The following NCK2 variants were observed in gnomAD, a reference collection of about 807,000 sequenced individuals.
NCK2 encodes cytoplasmic protein NCK2.
Under a neutral mutation model 33.9 loss-of-function variants are expected in NCK2, and 16 were observed. The observed-to-expected ratio is 0.47, with a 90% CI of 0.32 to 0.72. The LOEUF is 0.72. NCK2 is among the 30% of genes least tolerant of loss of function. The probability of loss-of-function intolerance (pLI) is 0.03; values close to 1 mark genes in which losing one functional copy is unlikely to be tolerated. For synonymous variants in NCK2, 273 were observed against 239.9 expected (o/e 1.14, Z -1.27); for missense variants, 418 against 537.3 (o/e 0.78, Z 2.19).
chr2:105,748,386 GTTTT>G (rs201795527), intron 1 of NCK2, among the ~76,000 whole-genome samples: 5 of 151,578 alleles, frequency 3.3e-5, no homozygotes, highest in Non-Finnish European at 5.9e-5. Context: ...TCCTGCAGTT[GTTTT>G]TTTTCTTTTT....
intron 2 of NCK2, among the ~76,000 whole-genome samples, chr2:105,835,405 A>ATATATATATATATATATATG (rs70953537): frequency 1.1e-4 from 4 of 37,968 alleles, no homozygotes; most frequent in African/African-American, 2.0e-4. Flanking sequence ...ATATATATAT[A>ATATATATATATATATATATG]CGTGTATATA....
At chr2:105,789,175 T>G (rs1395786988) in intron 1 of NCK2, among the ~76,000 whole-genome samples, 2 of 152,132 alleles carry the variant, frequency 1.3e-5, no homozygotes, top group Non-Finnish European at 2.9e-5. Context: ...GATGTGGCAC[T>G]TCACACCATT....
rs10524426 is a variant in NCK2 at position 105,864,828 on chromosome 2, T to TACACACACAC, written c.226+9576_226+9585dup. On this transcript the variant is annotated intron_variant, in intron 3 of 4. Coordinates refer to ENST00000233154, the MANE Select transcript of NCK2 (RefSeq NM_003581.5). ...GTAACCTCTAGCTCACATGTGCATGTACACACACACACACACACACACACA... is the reference window on the plus strand; with the variant it reads ...GTAACCTCTAGCTCACATGTGCATGTACACACACACACACACACACACACACACACACACA... Among the ~76,000 whole-genome samples, 471 of 144,452 alleles carry TACACACACAC rather than the reference T, an allele frequency of 3.3e-3. 5 individuals are homozygous for TACACACACAC. The highest frequency in any genetic ancestry group is 0.011 in the African/African-American group (416 of 37,594). 94.8% of individuals were successfully genotyped at this position (144,452 alleles called of 152,430 possible). A position where few individuals can be genotyped will look rare whatever the true frequency, so the allele number is the denominator to read the frequency against.
At chr2:105,833,570 ATAT>A (rs1264233472) in intron 2 of NCK2, among the ~76,000 whole-genome samples, 6 of 151,880 alleles carry the variant, frequency 4.0e-5, no homozygotes, top group African/African-American at 1.5e-4. Context: ...TGATATTCTG[ATAT>A]TATTTATTTG....
intron 1 of NCK2, among the ~76,000 whole-genome samples, chr2:105,802,661 G>T (rs931256254): frequency 6.6e-6 from 1 of 152,216 alleles, no homozygotes; most frequent in Non-Finnish European, 1.5e-5. Flanking sequence ...TCATCACCAC[G>T]AGGAAGGCAC....
At chr2:105,850,251 G>A (rs1444089900) in intron 2 of NCK2, among the ~76,000 whole-genome samples, 1 of 152,112 alleles carries the variant, frequency 6.6e-6, no homozygotes, top group Admixed American at 6.5e-5. Context: ...AATGTTGTAG[G>A]GGCACTGGCT....
At chr2:105,882,188 T>C in intron 4 of NCK2, 139 bp downstream of exon 4, 3 of 1,026,414 alleles carry the variant, frequency 2.9e-6, no homozygotes, top group Non-Finnish European at 3.8e-6. Context: ...TTTAGTATAA[T>C]GTTTGCTACT....
At chr2:105,884,531 G>A (rs1678641878) in intron 4 of NCK2, among the ~76,000 whole-genome samples, 1 of 151,952 alleles carries the variant, frequency 6.6e-6, no homozygotes, top group Admixed American at 6.6e-5. Flanking sequence ...AAGCACAGCT[G>A]TTTTTTTTGG....
chr2:105,862,752 G>A (rs563704298), intron 3 of NCK2, among the ~76,000 whole-genome samples: 13 of 152,196 alleles, frequency 8.5e-5, no homozygotes, highest in East Asian at 3.9e-4. Flanking sequence ...ATGGAACATC[G>A]TCTTGGCAGC....
At chr2:105,827,883 G>A (rs1365753236) in intron 2 of NCK2, among the ~76,000 whole-genome samples, 1 of 152,200 alleles carries the variant, frequency 6.6e-6, no homozygotes, top group African/African-American at 2.4e-5. Context: ...AAATAGTCTT[G>A]ATTGGCATGG....
At chr2:105,835,406 C>CATATATATATATAT (rs1558861985) in intron 2 of NCK2, among the ~76,000 whole-genome samples, 1 of 24,246 alleles carries the variant, frequency 4.1e-5, no homozygotes, top group Non-Finnish European at 8.8e-5. Context: ...TATATATATA[C>CATATATATATATAT]GTGTATATAT....
chr2:105,869,668 C>T (rs574369434), intron 3 of NCK2, among the ~76,000 whole-genome samples: 1 of 152,292 alleles, frequency 6.6e-6, no homozygotes, highest in South Asian at 2.1e-4. Flanking sequence ...TGAACTTTTG[C>T]CAGTGGATTG....
chr2:105,881,443 C>T lies in NCK2; in HGVS notation c.342C>T (p.Ile114=), dbSNP rs747636275. 4.3e-6 allele frequency: 7 copies of T among 1,613,620 alleles called. No individual in the cohort carries two copies. Among genetic ancestry groups the T allele is most frequent in the Non-Finnish European group, 5.9e-6 (7 of 1,179,984 alleles). ...SGADRIYDLN[I]PAFVKFAYVA... ...CCGACCGCATCTACGACCTCAACAT[C>T]CCGGCCTTCGTCAAGTTCGCCTATG... The change falls in exon 4 of 5, where the codon ATC becomes ATT. Residue 114 remains isoleucine, a synonymous_variant. Coordinates refer to ENST00000233154, the MANE Select transcript of NCK2 (RefSeq NM_003581.5).
intron 3 of NCK2, among the ~76,000 whole-genome samples, chr2:105,864,150 C>G (rs1177487470): frequency 6.6e-6 from 1 of 152,040 alleles, no homozygotes; most frequent in Non-Finnish European, 1.5e-5. Flanking sequence ...AAAAAAGAAC[C>G]CTCGGAGGTT....
chr2:105,890,641 T>G (rs1678932139), intron 4 of NCK2, among the ~76,000 whole-genome samples: 1 of 152,238 alleles, frequency 6.6e-6, no homozygotes, highest in Non-Finnish European at 1.5e-5. Context: ...GACAGAGGCA[T>G]GCATAAATAC....
chr2:105,793,781 T>C (rs895541709), intron 1 of NCK2, among the ~76,000 whole-genome samples: 4 of 152,200 alleles, frequency 2.6e-5, no homozygotes, highest in Non-Finnish European at 4.4e-5. Context: ...TAGTCCTTAA[T>C]AATCACACCG....
chr2:105,842,286 A>G (rs1676677653), intron 2 of NCK2, among the ~76,000 whole-genome samples: 1 of 151,504 alleles, frequency 6.6e-6, no homozygotes, highest in Non-Finnish European at 1.5e-5. Context: ...GGGTTTCGCC[A>G]TGTTGGTCAG....
Position 105,749,626 on chromosome 2 carries a change from A to G in NCK2, c.-201+4488A>G, listed in dbSNP as rs376597870. ...GTTTTTTTGTGAGGCAGTTTACAGA[A>G]CACAGTGTCCTTGGGTATCTGCCTT... On this transcript the variant is annotated intron_variant, in intron 1 of 4. Coordinates refer to ENST00000233154, the MANE Select transcript of NCK2 (RefSeq NM_003581.5). Among the ~76,000 whole-genome samples, 7 of 152,216 alleles carry G rather than the reference A, an allele frequency of 4.6e-5. No individual in the cohort carries two copies. The East Asian group carries it at 1.2e-3, about 25-fold the overall frequency.
chr2:105,823,314 T>C (rs899691549), intron 2 of NCK2, among the ~76,000 whole-genome samples: 1 of 151,820 alleles, frequency 6.6e-6, no homozygotes, highest in South Asian at 2.1e-4. Context: ...ACTGCAGAAG[T>C]GTCATTCAAG....
Sources: gnomAD v4.1 joint callset for allele counts (sites outside exome capture counted in the v4.1 genomes callset) on GRCh38, gnomAD v4.1.1 for gene constraint, MANE v1.5 for transcripts, NCBI Gene and HGNC (gene_info 2026-07-23, HGNC 2026-07-21) for gene names.